Variants in KPNA4 observed in about 807,000 individuals in gnomAD.
The protein encoded by KPNA4 is karyopherin subunit alpha 4.
In KPNA4, 13 loss-of-function variants were observed where a neutral mutation model predicts 71.3. That is an observed-to-expected ratio of 0.18 (90% CI 0.12 to 0.29). The LOEUF (loss-of-function observed/expected upper bound fraction) is 0.29, where lower values mean the gene tolerates loss of function less well. Among genes scored for constraint, KPNA4 ranks in the 10% least tolerant of loss-of-function variants. The pLI is 1.00. For synonymous variants in KPNA4, 189 were observed against 195.2 expected (o/e 0.97, Z 0.26); for missense variants, 334 against 603.2 (o/e 0.55, Z 4.67).
chr3:160,548,695 T>C (rs983334717), intron 1 of KPNA4, among the ~76,000 whole-genome samples: 8 of 152,224 alleles, frequency 5.3e-5, no homozygotes, highest in South Asian at 4.1e-4. Context: ...ATCTATTTTA[T>C]ACATTAAATA....
chr3:160,507,278 C>A (rs1421234636), intron 15 of KPNA4, among the ~76,000 whole-genome samples: 2 of 152,130 alleles, frequency 1.3e-5, no homozygotes, highest in Non-Finnish European at 2.9e-5. Flanking sequence ...GGGAGTGGAT[C>A]ACCTGAGGTC....
intron 5 of KPNA4, among the ~76,000 whole-genome samples, chr3:160,532,606 G>A (rs147075030): frequency 6.6e-6 from 1 of 152,310 alleles, no homozygotes. Context: ...TACAGGTTTA[G>A]CTGATAAGTC....
chr3:160,518,788 G>C (rs1721285670), intron 11 of KPNA4, among the ~76,000 whole-genome samples: 1 of 152,112 alleles, frequency 6.6e-6, no homozygotes, highest in South Asian at 2.1e-4. Context: ...TTGAACCTGG[G>C]AGGCAGAGGT....
intron 13 of KPNA4, among the ~76,000 whole-genome samples, chr3:160,511,545 TA>T (rs1273964416): frequency 6.6e-6 from 1 of 150,706 alleles, no homozygotes; most frequent in African/African-American, 2.4e-5. Flanking sequence ...AAACAAGGAA[TA>T]AGAAAAAAAA....
chr3:160,504,503 T>C (rs992326640), intron 16 of KPNA4, among the ~76,000 whole-genome samples: 15 of 152,212 alleles, frequency 9.9e-5, no homozygotes, highest in African/African-American at 3.6e-4. Context: ...TTACATTATA[T>C]AGTGCCTTAC....
At chr3:160,520,422 T>C (rs1370180266) in intron 11 of KPNA4, among the ~76,000 whole-genome samples, 1 of 151,482 alleles carries the variant, frequency 6.6e-6, no homozygotes, top group Non-Finnish European at 1.5e-5. Context: ...TGGCTAATTT[T>C]TTTTTTTTTT....
intron 1 of KPNA4, among the ~76,000 whole-genome samples, chr3:160,549,715 TG>T (rs369919690): frequency 9.8e-5 from 15 of 152,342 alleles, no homozygotes; most frequent in East Asian, 9.6e-4. Flanking sequence ...TCTCCAGGCT[TG>T]TTCTTTCTCA....
chr3:160,520,623 G>C (rs201231745), intron 11 of KPNA4, among the ~76,000 whole-genome samples: 1 of 96,718 alleles, frequency 1.0e-5, no homozygotes, highest in Non-Finnish European at 2.8e-5. Context: ...TTAATTTTAA[G>C]GTACAGGGTC....
chr3:160,496,286 G>C lies in KPNA4; in HGVS notation c.*5818C>G, dbSNP rs751242807. 12 of 152,382 alleles carry C rather than the reference G, an allele frequency of 7.9e-5. No homozygotes were observed. Among genetic ancestry groups the C allele is most frequent in the Non-Finnish European group, 1.3e-4 (9 of 68,258 alleles). The allele number at this position is 152,382 out of a possible 1,614,324, so 9.4% of individuals were successfully genotyped here. ...CTGGGCAACAAGAAAGAGTAAAATG[G>C]TAACTATGCACAAAGGATGGGGGAA... On this transcript the variant is annotated 3_prime_UTR_variant, in exon 17 of 17. Transcript: ENST00000334256.
At chr3:160,528,122 A>C (rs1243474374) in intron 7 of KPNA4, 83 bp from the exon 8 acceptor site, 7 of 847,986 alleles carry the variant, frequency 8.3e-6, no homozygotes, top group Non-Finnish European at 1.3e-5. Context: ...CTGAGACCTC[A>C]AAAAAAAGGG....
chr3:160,519,985 G>C (rs1233645803), intron 11 of KPNA4, among the ~76,000 whole-genome samples: 2 of 152,030 alleles, frequency 1.3e-5, no homozygotes, highest in African/African-American at 4.8e-5. Flanking sequence ...AAAAGTATAA[G>C]AAAATCTCTA....
At chr3:160,541,496 G>C (rs990061731) in intron 1 of KPNA4, among the ~76,000 whole-genome samples, 1 of 151,892 alleles carries the variant, frequency 6.6e-6, no homozygotes, top group East Asian at 1.9e-4. Context: ...AGGCACGAGA[G>C]ATCTTCTGTG....
intron 10 of KPNA4, among the ~76,000 whole-genome samples, chr3:160,524,150 T>C (rs987000580): frequency 4.6e-5 from 7 of 152,098 alleles, no homozygotes; most frequent in Non-Finnish European, 7.4e-5. Context: ...AAAAGAACAA[T>C]GTAAACAGGC....
intron 1 of KPNA4, among the ~76,000 whole-genome samples, chr3:160,552,110 A>G (rs1448787466): frequency 6.6e-6 from 1 of 152,216 alleles, no homozygotes; most frequent in African/African-American, 2.4e-5. Context: ...AGTTACTCTC[A>G]TGAGAATTCA....
At chr3:160,539,106 T>C (rs1261836532) in intron 1 of KPNA4, among the ~76,000 whole-genome samples, 1 of 152,170 alleles carries the variant, frequency 6.6e-6, no homozygotes, top group Non-Finnish European at 1.5e-5. Context: ...CAGTGCTCAG[T>C]TCCTTACCTC....
intron 5 of KPNA4, 69 bp from the exon 6 acceptor site, chr3:160,531,626 A>G (rs1384646911): frequency 5.3e-6 from 4 of 754,004 alleles, no homozygotes; most frequent in Non-Finnish European, 8.2e-6. Flanking sequence ...ATAAATTCAT[A>G]TTTGACAAAT....
intron 2 of KPNA4, among the ~76,000 whole-genome samples, chr3:160,536,171 G>T (rs1721690032): frequency 6.6e-6 from 1 of 151,902 alleles, no homozygotes; most frequent in Non-Finnish European, 1.5e-5. Flanking sequence ...ACAAAAGTTT[G>T]ACTAAAAAAT....
chr3:160,565,548 G>T lies in KPNA4; in HGVS notation c.-266C>A. 1 of 532,276 alleles carries T rather than the reference G, an allele frequency of 1.9e-6. No homozygotes were observed. The highest frequency in any genetic ancestry group is 2.5e-5 in the South Asian group (1 of 40,534). The allele number at this position is 532,276 out of a possible 1,614,324, so 33.0% of individuals were successfully genotyped here. On this transcript the variant is annotated 5_prime_UTR_variant, in exon 1 of 17. Transcript: ENST00000334256. ...AAGGCGACGGAATGTGCTGCCGGCT[G>T]AGAGGGGGAGGCAGCCTCGATCTGA...
At chr3:160,552,722 G>A (rs1177871837) in intron 1 of KPNA4, among the ~76,000 whole-genome samples, 3 of 152,172 alleles carry the variant, frequency 2.0e-5, no homozygotes, top group Non-Finnish European at 4.4e-5. Flanking sequence ...GGAAAGAGAC[G>A]GGGACTGGAG....
Sources: allele counts gnomAD v4.1 joint callset (sites outside exome capture counted in the v4.1 genomes callset), GRCh38; gene constraint gnomAD v4.1.1; transcripts MANE v1.5; gene names NCBI Gene and HGNC (gene_info 2026-07-23, HGNC 2026-07-21).